GRIA4: variants seen among roughly 807,000 people sequenced by gnomAD.
GRIA4 encodes the protein glutamate ionotropic receptor AMPA type subunit 4, also known as glutamate receptor 4.
A neutral mutation model predicts 104.0 loss-of-function variants in GRIA4; 34 were observed. That is an observed-to-expected ratio of 0.33 (90% confidence interval 0.25 to 0.44). The LOEUF is 0.44. GRIA4 is among the 20% of genes least tolerant of loss of function. GRIA4 has a pLI of 1.00. For missense variants in GRIA4, 750 were observed against 1,096.5 expected (o/e 0.68, Z 4.46); for synonymous variants, 386 against 381.9 (o/e 1.01, Z -0.13).
At chr11:105,822,278 A>G (rs1943602009) in intron 4 of GRIA4, among the ~76,000 whole-genome samples, 1 of 152,134 alleles carries the variant, frequency 6.6e-6, no homozygotes. Flanking sequence ...AGAGGAAATC[A>G]GAGTGGCTCT....
intron 3 of GRIA4, among the ~76,000 whole-genome samples, chr11:105,628,863 G>C (rs1409609784): frequency 6.6e-6 from 1 of 152,048 alleles, no homozygotes; most frequent in African/African-American, 2.4e-5. Flanking sequence ...TTTTTATTGA[G>C]AGGACATTGT....
intron 4 of GRIA4, among the ~76,000 whole-genome samples, chr11:105,829,783 A>G (rs1170079725): frequency 3.3e-5 from 5 of 151,876 alleles, no homozygotes; most frequent in Admixed American, 3.3e-4. Flanking sequence ...AGAGAAGCAG[A>G]AAGCTATTTT....
chr11:105,809,173 T>A (rs1002322268), intron 4 of GRIA4, among the ~76,000 whole-genome samples: 25 of 152,226 alleles, frequency 1.6e-4, no homozygotes, highest in African/African-American at 5.3e-4. Context: ...AATAAAAAAA[T>A]TTAAAGTTAA....
chr11:105,922,216 C>T lies in GRIA4; in HGVS notation c.1477-2183C>T, dbSNP rs1018600993. Reference sequence around the variant, plus strand: ...ATACATAAAAGAACAAGTAGCTATTCGTTTTATAATAACAAATTCAAATTA... The same window carrying T: ...ATACATAAAAGAACAAGTAGCTATTTGTTTTATAATAACAAATTCAAATTA... On this transcript the variant is annotated intron_variant, in intron 11 of 16. Transcript: ENST00000282499. 3.9e-5 allele frequency among the ~76,000 whole-genome samples: 6 copies of T among 152,162 alleles called. No homozygotes were observed. In the East Asian group the frequency reaches 9.7e-4, roughly 24 times the overall value.
intron 3 of GRIA4, among the ~76,000 whole-genome samples, chr11:105,683,707 G>C (rs937069576): frequency 6.6e-6 from 1 of 152,058 alleles, no homozygotes; most frequent in Non-Finnish European, 1.5e-5. Flanking sequence ...CCTTTAGCAA[G>C]TAATACTCAA....
intron 3 of GRIA4, among the ~76,000 whole-genome samples, chr11:105,627,248 C>T (rs1950909277): frequency 6.6e-6 from 1 of 151,720 alleles, no homozygotes; most frequent in Non-Finnish European, 1.5e-5. Flanking sequence ...GTATGGATGA[C>T]ATTGGAGAAC....
intron 3 of GRIA4, among the ~76,000 whole-genome samples, chr11:105,621,847 GC>G (rs1471937825): frequency 1.3e-5 from 2 of 151,666 alleles, no homozygotes; most frequent in Non-Finnish European, 3.0e-5. Flanking sequence ...TCTATGACTT[GC>G]CAACAGTGAC....
chr11:105,866,563 A>G (rs1010894307), intron 5 of GRIA4, among the ~76,000 whole-genome samples: 4 of 113,488 alleles, frequency 3.5e-5, no homozygotes, highest in African/African-American at 9.5e-5. Flanking sequence ...ATATATATAT[A>G]TATATATATA....
intron 7 of GRIA4, 76 bp downstream of exon 7, chr11:105,898,503 C>T: frequency 1.1e-6 from 1 of 923,482 alleles, no homozygotes; most frequent in Non-Finnish European, 1.7e-6. Context: ...TACAGTTTTT[C>T]CATTAACATT....
intron 3 of GRIA4, among the ~76,000 whole-genome samples, chr11:105,677,278 A>G (rs1427803088): frequency 1.3e-5 from 2 of 151,902 alleles, no homozygotes; most frequent in Non-Finnish European, 2.9e-5. Flanking sequence ...TCAATTAAAG[A>G]GAAGGTCAGA....
chr11:105,623,163 G>T (rs1312653239), intron 3 of GRIA4, among the ~76,000 whole-genome samples: 3 of 149,076 alleles, frequency 2.0e-5, no homozygotes, highest in African/African-American at 7.4e-5. Flanking sequence ...GTTGTGAATA[G>T]CTCTGTGATA....
At chr11:105,831,448 C>A (rs774695277) in intron 4 of GRIA4, among the ~76,000 whole-genome samples, 1 of 151,882 alleles carries the variant, frequency 6.6e-6, no homozygotes, top group Non-Finnish European at 1.5e-5. Flanking sequence ...CATGAGCATA[C>A]GGGAAAAGGA....
intron 4 of GRIA4, among the ~76,000 whole-genome samples, chr11:105,774,536 G>T (rs1941369416): frequency 6.6e-6 from 1 of 152,116 alleles, no homozygotes; most frequent in Non-Finnish European, 1.5e-5. Context: ...TCTTGAAGTA[G>T]TATTAATGTT....
At chr11:105,718,541 A>G (rs560303903) in intron 3 of GRIA4, among the ~76,000 whole-genome samples, 1 of 152,208 alleles carries the variant, frequency 6.6e-6, no homozygotes, top group African/African-American at 2.4e-5. Flanking sequence ...CTTAAAACCC[A>G]TATAAATTAC....
chr11:105,818,468 T>A (rs1386029102), intron 4 of GRIA4, among the ~76,000 whole-genome samples: 2 of 152,190 alleles, frequency 1.3e-5, no homozygotes, highest in African/African-American at 4.8e-5. Flanking sequence ...AAAGAACGAA[T>A]CTTCATCTTG....
chr11:105,922,878 T>C (rs1259213453), intron 11 of GRIA4, among the ~76,000 whole-genome samples: 1 of 152,162 alleles, frequency 6.6e-6, no homozygotes, highest in African/African-American at 2.4e-5. Context: ...CACATATCAC[T>C]TATGTAACAA....
intron 3 of GRIA4, among the ~76,000 whole-genome samples, chr11:105,659,466 G>C (rs1351762730): frequency 6.6e-6 from 1 of 151,826 alleles, no homozygotes; most frequent in Non-Finnish European, 1.5e-5. Context: ...TTGTGATTAG[G>C]GAACCAGCTT....
intron 6 of GRIA4, among the ~76,000 whole-genome samples, chr11:105,893,442 T>C (rs950998396): frequency 6.6e-6 from 1 of 152,118 alleles, no homozygotes; most frequent in Non-Finnish European, 1.5e-5. Flanking sequence ...TAAGAAAATA[T>C]GTATGAAAAT....
At position 105,627,823 on chromosome 11, in the gene GRIA4, T is replaced by G. The variant is rs182690129; in HGVS notation, c.247+15389T>G. Reference sequence around the variant, plus strand: ...ATGCATAGAGGCAATAAAATCTCCCTACAGATTAATATAGATGCCGATAGA... The same window carrying G: ...ATGCATAGAGGCAATAAAATCTCCCGACAGATTAATATAGATGCCGATAGA... On this transcript the variant is annotated intron_variant, in intron 3 of 16. Transcript: ENST00000282499. Among the ~76,000 whole-genome samples the G allele has an allele frequency of 3.0e-3, 452 of 152,314 alleles. 2 individuals are homozygous for G. The highest frequency in any genetic ancestry group is 5.2e-3 in the Non-Finnish European group (352 of 68,026).
Sources: gnomAD v4.1 joint callset for allele counts (sites outside exome capture counted in the v4.1 genomes callset) on GRCh38, gnomAD v4.1.1 for gene constraint, MANE v1.5 for transcripts, NCBI Gene and HGNC (gene_info 2026-07-23, HGNC 2026-07-21) for gene names.